Variants in ADA observed in about 807,000 individuals in gnomAD.
ADA encodes adenosine aminohydrolase.
ADA carries 45 observed loss-of-function variants against 49.0 expected under a neutral mutation model. The observed-to-expected ratio is 0.92, with a 90% CI of 0.72 to 1.18. The LOEUF (loss-of-function observed/expected upper bound fraction) is 1.18, where lower values mean the gene tolerates loss of function less well. Ranked by LOEUF, ADA falls within the 50% of genes most tolerant of loss-of-function variation. The pLI, the probability that ADA is intolerant of heterozygous loss-of-function variation, is 0.00. For missense variants in ADA, 445 were observed against 472.5 expected, an observed-to-expected ratio of 0.94 and a Z score of 0.54; for synonymous variants, 173 against 184.2, an observed-to-expected ratio of 0.94 and a Z score of 0.49.
chr20:44,633,418 A>T (rs2065451360), intron 2 of ADA, among the ~76,000 whole-genome samples: 1 of 152,330 alleles, frequency 6.6e-6, no homozygotes, highest in South Asian at 2.1e-4. Flanking sequence ...AAAAACATCC[A>T]GTGTGGACTA....
chr20:44,633,668 C>G (rs2065453789), intron 2 of ADA, among the ~76,000 whole-genome samples: 1 of 152,188 alleles, frequency 6.6e-6, no homozygotes, highest in Non-Finnish European at 1.5e-5. Flanking sequence ...AGTGGTGGCC[C>G]AGACCAGGGC....
At chr20:44,634,625 A>C (rs2065463126) in intron 2 of ADA, among the ~76,000 whole-genome samples, 1 of 152,266 alleles carries the variant, frequency 6.6e-6, no homozygotes, top group Admixed American at 6.5e-5. Context: ...TGTTTGGCAC[A>C]CAGGAGGTGC....
intron 1 of ADA, among the ~76,000 whole-genome samples, chr20:44,647,179 A>G (rs1348770746): frequency 6.6e-6 from 1 of 152,084 alleles, no homozygotes; most frequent in East Asian, 1.9e-4. Context: ...TCATGCCTGT[A>G]ATCCCGGCAC....
At chr20:44,630,080 G>A (rs537372070) in intron 2 of ADA, among the ~76,000 whole-genome samples, 18 of 151,770 alleles carry the variant, frequency 1.2e-4, no homozygotes, top group South Asian at 4.2e-4. Flanking sequence ...GGTGGCTCAC[G>A]CCTGTAATCC....
intron 2 of ADA, among the ~76,000 whole-genome samples, chr20:44,632,775 C>T (rs574508359): frequency 7.9e-5 from 12 of 152,352 alleles, no homozygotes; most frequent in African/African-American, 9.6e-5. Context: ...TCACTGCAAC[C>T]TTCACCTCCC....
At chr20:44,646,360 T>C (rs2299686) in intron 1 of ADA, among the ~76,000 whole-genome samples, 80,513 of 152,090 alleles carry the variant, frequency 0.53, 22,063 homozygotes, top group East Asian at 0.68. Flanking sequence ...AGGCTCTTCC[T>C]AGGCACATTT....
At chr20:44,645,689 A>G (rs897871904) in intron 1 of ADA, among the ~76,000 whole-genome samples, 1 of 152,176 alleles carries the variant, frequency 6.6e-6, no homozygotes, top group Non-Finnish European at 1.5e-5. Context: ...TTGCTGCAGC[A>G]CCTGCTCTGA....
intron 6 of ADA, 27 bp downstream of exon 6, chr20:44,624,175 C>A (rs1337903659): frequency 6.3e-7 from 1 of 1,594,670 alleles, no homozygotes; most frequent in Non-Finnish European, 8.5e-7. Flanking sequence ...CAGGGCCAGC[C>A]TCTCCATTCC....
intron 1 of ADA, among the ~76,000 whole-genome samples, chr20:44,644,284 G>A (rs2065567668): frequency 1.3e-5 from 2 of 152,100 alleles, no homozygotes; most frequent in Non-Finnish European, 2.9e-5. Flanking sequence ...TGAGCCGTTT[G>A]CTGAGAGGGG....
intron 5 of ADA, among the ~76,000 whole-genome samples, chr20:44,624,830 C>T (rs538147821): frequency 7.7e-4 from 118 of 152,348 alleles, no homozygotes; most frequent in Non-Finnish European, 1.1e-3. Context: ...TGAATGAACA[C>T]AGGCTTTGGA....
chr20:44,629,030 G>C lies in ADA; in HGVS notation c.218+17C>G, dbSNP rs2145324527. 1.2e-6 allele frequency: 2 copies of C among 1,614,150 alleles called. No homozygotes were observed. Among genetic ancestry groups the C allele is most frequent in the African/African-American group, 1.3e-5 (1 of 75,050 alleles). On this transcript the variant is annotated intron_variant, in intron 3 of 11. Coordinates refer to ENST00000372874, the MANE Select transcript of ADA (RefSeq NM_000022.4). The stretch of plus-strand genomic sequence containing the variant: ...GATCAATGCTGCCCTAGGACCTGTG[G>C]GTTGGGGGCAACTCACGCGATAGCA...
chr20:44,639,148 G>C (rs1344982437), intron 1 of ADA, among the ~76,000 whole-genome samples: 3 of 152,186 alleles, frequency 2.0e-5, no homozygotes, highest in Non-Finnish European at 4.4e-5. Context: ...GCTCCTCCAA[G>C]GCCAGTTAGA....
intron 3 of ADA, among the ~76,000 whole-genome samples, chr20:44,627,446 G>A (rs2065393490): frequency 6.6e-6 from 1 of 152,198 alleles, no homozygotes; most frequent in Non-Finnish European, 1.5e-5. Flanking sequence ...CTCCCAAAGT[G>A]CTGGGGATAC....
intron 10 of ADA, 59 bp from the exon 11 acceptor site, chr20:44,620,460 G>A: frequency 1.4e-6 from 2 of 1,395,052 alleles, no homozygotes; most frequent in South Asian, 1.2e-5. Context: ...GCAGCTCTTA[G>A]CAATGTAGTG....
intron 2 of ADA, among the ~76,000 whole-genome samples, chr20:44,632,306 G>A (rs2065440583): frequency 6.6e-6 from 1 of 152,194 alleles, no homozygotes; most frequent in Non-Finnish European, 1.5e-5. Context: ...CAGGGAGGCA[G>A]GGCCAGGCTG....
At chr20:44,639,042 C>T (rs968274648) in intron 1 of ADA, among the ~76,000 whole-genome samples, 3 of 152,120 alleles carry the variant, frequency 2.0e-5, no homozygotes, top group African/African-American at 4.8e-5. Context: ...ATAGGACCAC[C>T]CAGGCAGGGC....
chr20:44,636,851 G>C (rs568643663), intron 1 of ADA, among the ~76,000 whole-genome samples: 3 of 152,190 alleles, frequency 2.0e-5, no homozygotes, highest in African/African-American at 7.2e-5. Context: ...TGTCTCCCAG[G>C]CTGGAGTGCA....
chr20:44,625,669 T>TG lies in ADA; in HGVS notation c.377dup (p.Asp127ArgfsTer44). The TG allele has an allele frequency of 6.4e-7, 1 of 1,563,996 alleles. No homozygotes were observed. The highest frequency in any genetic ancestry group is 1.4e-5 in the African/African-American group (1 of 73,908). On this transcript the variant is annotated frameshift_variant, in exon 5 of 12. Coordinates refer to ENST00000372874, the MANE Select transcript of ADA (RefSeq NM_000022.4). LOFTEE classifies it high-confidence loss of function. Reference sequence around the variant, plus strand: ...GGCCCACTAGGGCCACCACCTCGTCTGGGGTGAGGTCCCCTCTGTGTGAGG... The same window carrying TG: ...GGCCCACTAGGGCCACCACCTCGTCTGGGGGTGAGGTCCCCTCTGTGTGAGG...
At chr20:44,620,945 G>A (rs2065324644) in intron 10 of ADA, 73 bp downstream of exon 10, 7 of 1,603,338 alleles carry the variant, frequency 4.4e-6, no homozygotes, top group Non-Finnish European at 6.0e-6. Flanking sequence ...AAAGATTCCA[G>A]GCCCCGGACT....
Sources: gnomAD v4.1 joint callset for allele counts (sites outside exome capture counted in the v4.1 genomes callset) on GRCh38, gnomAD v4.1.1 for gene constraint, MANE v1.5 for transcripts, NCBI Gene and HGNC (gene_info 2026-07-23, HGNC 2026-07-21) for gene names.